CASZ1: variants seen among roughly 807,000 people sequenced by gnomAD.
CASZ1 encodes the protein zinc finger protein castor homolog 1.
Under a neutral mutation model 135.2 loss-of-function variants are expected in CASZ1, and 28 were observed. The observed-to-expected ratio is 0.21, with a 90% CI of 0.15 to 0.28. The LOEUF is 0.28. Among genes scored for constraint, CASZ1 ranks in the 10% least tolerant of loss-of-function variants. The pLI is 1.00. For synonymous variants in CASZ1, 1,068 were observed against 1,073.4 expected (o/e 0.99, Z 0.10); for missense variants, 2,161 against 2,453.3 (o/e 0.88, Z 2.52).
intron 2 of CASZ1, among the ~76,000 whole-genome samples, chr1:10,718,883 T>C (rs1305437545): frequency 6.6e-6 from 1 of 151,900 alleles, no homozygotes; most frequent in Non-Finnish European, 1.5e-5. Flanking sequence ...CTTTTCTTTT[T>C]TTTTAAGACA....
chr1:10,732,704 C>G (rs1390632040), intron 2 of CASZ1, among the ~76,000 whole-genome samples: 1 of 152,170 alleles, frequency 6.6e-6, no homozygotes. Context: ...GGAGGTGGCC[C>G]CTTCTGCCTT....
Position 10,760,781 on chromosome 1 carries a change from G to C in CASZ1, c.-157C>G, listed in dbSNP as rs934154639. Reference sequence around the variant, plus strand: ...AGTTGCAGGAGCCCCTTGTAAAGGAGGGGTCGATGGCCGTGGCAGCTGGGA... The same window carrying C: ...AGTTGCAGGAGCCCCTTGTAAAGGACGGGTCGATGGCCGTGGCAGCTGGGA... On this transcript the variant is annotated 5_prime_UTR_variant, in exon 2 of 21. Transcript: ENST00000377022. 2 of 152,276 alleles carry C rather than the reference G, an allele frequency of 1.3e-5. No homozygotes were observed. Among genetic ancestry groups the C allele is most frequent in the African/African-American group, 4.8e-5 (2 of 41,456 alleles). The allele number at this position is 152,276 out of a possible 1,614,324, so 9.4% of individuals were successfully genotyped here.
chr1:10,788,645 C>A lies in CASZ1; in HGVS notation c.-234+7919G>T, dbSNP rs1303307304. On this transcript the variant is annotated intron_variant, in intron 1 of 20. Coordinates refer to ENST00000377022, the MANE Select transcript of CASZ1 (RefSeq NM_001079843.3). The surrounding 1 kb of genome is among the most constrained non-coding windows in gnomAD (Gnocchi z 4.1). ...CCCAGGTGGCCAAGGATGGAACAGGCGGAGACCACAGGCAGGACTCCAGTC... is the reference window on the plus strand; with the variant it reads ...CCCAGGTGGCCAAGGATGGAACAGGAGGAGACCACAGGCAGGACTCCAGTC... Among the ~76,000 whole-genome samples, 1 of 152,176 alleles carries A rather than the reference C, an allele frequency of 6.6e-6. No individual in the cohort carries two copies. Among genetic ancestry groups the A allele is most frequent in the Non-Finnish European group, 1.5e-5 (1 of 68,028 alleles).
intron 1 of CASZ1, among the ~76,000 whole-genome samples, chr1:10,771,149 C>T (rs1640568923): frequency 6.6e-6 from 1 of 152,118 alleles, no homozygotes; most frequent in African/African-American, 2.4e-5. Flanking sequence ...TGCTTTTTCT[C>T]CATAGCGCCA....
chr1:10,656,267 C>G (rs1642793654), intron 8 of CASZ1, among the ~76,000 whole-genome samples: 1 of 152,236 alleles, frequency 6.6e-6, no homozygotes, highest in African/African-American at 2.4e-5. Context: ...CAGTGGCACT[C>G]TGGCTGAGCC....
At chr1:10,682,075 T>C (rs187197467) in intron 4 of CASZ1, among the ~76,000 whole-genome samples, 1 of 152,140 alleles carries the variant, frequency 6.6e-6, no homozygotes, top group East Asian at 1.9e-4. Context: ...GAAAAGGGGA[T>C]TGAAAAAAAG....
intron 1 of CASZ1, among the ~76,000 whole-genome samples, chr1:10,763,230 C>T (rs944883476): frequency 2.0e-5 from 3 of 152,240 alleles, no homozygotes; most frequent in African/African-American, 7.2e-5. Context: ...GGCCGGGTCT[C>T]TGTGACCAGC....
intron 15 of CASZ1, 76 bp downstream of exon 15, chr1:10,648,994 C>G: frequency 6.4e-7 from 1 of 1,572,990 alleles, no homozygotes; most frequent in Non-Finnish European, 8.7e-7. Flanking sequence ...GCTGTACCAG[C>G]CTGAGCCCCA....
At chr1:10,791,073 C>A (rs1640948410) in intron 1 of CASZ1, among the ~76,000 whole-genome samples, 1 of 142,182 alleles carries the variant, frequency 7.0e-6, no homozygotes, top group African/African-American at 2.9e-5. Flanking sequence ...AAGAGACCCT[C>A]TTCCCATCAA....
chr1:10,659,645 G>T, intron 6 of CASZ1, 57 bp downstream of exon 6: 1 of 1,387,198 alleles, frequency 7.2e-7, no homozygotes, highest in Non-Finnish European at 1.0e-6. Flanking sequence ...GAGGAAGGAG[G>T]CCTCCTGTCT....
At chr1:10,793,552 C>T (rs906953121) in intron 1 of CASZ1, among the ~76,000 whole-genome samples, 10 of 152,180 alleles carry the variant, frequency 6.6e-5, no homozygotes, top group African/African-American at 2.2e-4. Flanking sequence ...ATCAGTTTAA[C>T]ATCTCCATAG....
intron 1 of CASZ1, among the ~76,000 whole-genome samples, chr1:10,781,802 C>A (rs1227132639): frequency 6.6e-6 from 1 of 152,226 alleles, no homozygotes; most frequent in Non-Finnish European, 1.5e-5. Flanking sequence ...CTCACAGCAA[C>A]CCCAAGTGAT....
chr1:10,650,797 G>A (rs761138375), intron 12 of CASZ1, 42 bp from the exon 13 acceptor site: 6 of 1,608,386 alleles, frequency 3.7e-6, no homozygotes. Context: ...AGACGGCCGG[G>A]GCCTGGGCCC....
intron 1 of CASZ1, among the ~76,000 whole-genome samples, chr1:10,792,816 G>A (rs1217158076): frequency 6.6e-6 from 1 of 151,632 alleles, no homozygotes; most frequent in Non-Finnish European, 1.5e-5. Context: ...CAAAAAGCAG[G>A]CAAAATTGAA....
Position 10,719,986 on chromosome 1 carries a change from G to A in CASZ1, c.-76-14442C>T, listed in dbSNP as rs1282365572. 2.0e-5 allele frequency among the ~76,000 whole-genome samples: 3 copies of A among 152,190 alleles called. No homozygotes were observed. The highest frequency in any genetic ancestry group is 1.3e-4 in the Admixed American group (2 of 15,284). On this transcript the variant is annotated intron_variant, in intron 2 of 20. Transcript: ENST00000377022. This position sits in a 1 kb window ranked among gnomAD's most constrained non-coding sequence, Gnocchi z 4.0. The stretch of plus-strand genomic sequence containing the variant: ...CAGCACCAGGGTGCGGTGTGTTTGC[G>A]CACAAAAAGAATAGTCAGCTGGGAT...
At chr1:10,664,381 G>A (rs961671654) in intron 5 of CASZ1, among the ~76,000 whole-genome samples, 2 of 147,672 alleles carry the variant, frequency 1.4e-5, no homozygotes, top group East Asian at 2.2e-4. Flanking sequence ...GGCTGCTCTC[G>A]ATCCCCAGGA....
chr1:10,684,904 A>G (rs1413971583), intron 4 of CASZ1, among the ~76,000 whole-genome samples: 1 of 152,180 alleles, frequency 6.6e-6, no homozygotes, highest in South Asian at 2.1e-4. Flanking sequence ...CTGAGCACAC[A>G]TGGAATGTGT....
intron 4 of CASZ1, among the ~76,000 whole-genome samples, chr1:10,682,202 G>A (rs1302321727): frequency 1.3e-5 from 2 of 152,204 alleles, no homozygotes; most frequent in African/African-American, 2.4e-5. Flanking sequence ...AGACAACTGG[G>A]ACAGCCGCAG....
At chr1:10,653,200 C>T (rs1348645085) in intron 11 of CASZ1, 177 bp downstream of exon 11, 4 of 710,134 alleles carry the variant, frequency 5.6e-6, no homozygotes, top group East Asian at 2.7e-5. Flanking sequence ...AACCAGGGGC[C>T]CCACATAGAA....
Sources: allele counts gnomAD v4.1 joint callset (sites outside exome capture counted in the v4.1 genomes callset), GRCh38; gene constraint gnomAD v4.1.1; non-coding constraint Gnocchi (gnomAD v3.1); transcripts MANE v1.5; gene names NCBI Gene and HGNC (gene_info 2026-07-23, HGNC 2026-07-21).